The following CMTM4 variants were observed in gnomAD, a reference collection of about 807,000 sequenced individuals.
CMTM4 encodes the protein CKLF-like MARVEL transmembrane domain-containing protein 4.
A neutral mutation model predicts 19.0 loss-of-function variants in CMTM4; 8 were observed. The ratio of observed to expected loss-of-function variants is 0.42; its 90% confidence interval spans 0.25 to 0.76. The LOEUF (loss-of-function observed/expected upper bound fraction) is 0.76, where lower values mean the gene tolerates loss of function less well. Ranked by LOEUF, CMTM4 falls within the 30% of genes least tolerant of loss-of-function variation. CMTM4 has a pLI of 0.27. For missense variants in CMTM4, 228 were observed against 290.2 expected, an observed-to-expected ratio of 0.79 and a Z score of 1.56; for synonymous variants, 106 against 121.1, an observed-to-expected ratio of 0.88 and a Z score of 0.82.
At position 66,620,157 on chromosome 16, in the gene CMTM4, G is replaced by A. The variant is rs1002267754; in HGVS notation, c.*1901C>T. 2.0e-6 allele frequency: 2 copies of A among 985,342 alleles called. No homozygotes were observed. Among genetic ancestry groups the A allele is most frequent in the Non-Finnish European group, 2.4e-6 (2 of 829,940 alleles). 61.0% of individuals were successfully genotyped at this position (985,342 alleles called of 1,614,324 possible). On this transcript the variant is annotated 3_prime_UTR_variant, in exon 4 of 4. Transcript: ENST00000394106. Reference sequence around the variant, plus strand: ...AGCAGGAGATTTCTGATAAAGCTCAGGATGGTCCTTCCAAGTGGGCCCCAT... The same window carrying A: ...AGCAGGAGATTTCTGATAAAGCTCAAGATGGTCCTTCCAAGTGGGCCCCAT...
intron 1 of CMTM4, among the ~76,000 whole-genome samples, chr16:66,637,277 G>T (rs149729710): frequency 1.3e-5 from 2 of 152,290 alleles, no homozygotes; most frequent in Non-Finnish European, 2.9e-5. Context: ...GGGCACGGGG[G>T]CTCATGCCTG....
chr16:66,671,809 T>C (rs1406317440), intron 1 of CMTM4, among the ~76,000 whole-genome samples: 1 of 151,900 alleles, frequency 6.6e-6, no homozygotes, highest in Non-Finnish European at 1.5e-5. Flanking sequence ...ATATTTCAAA[T>C]ATATAATCTC....
chr16:66,601,212 A>G, the CMTM4 span, among the ~76,000 whole-genome samples: 1 of 152,020 alleles, frequency 6.6e-6, no homozygotes, highest in Non-Finnish European at 1.5e-5. Flanking sequence ...CTCTGTGGCC[A>G]GTGGCACCTT....
chr16:66,693,759 G>A (rs142880129), intron 1 of CMTM4, among the ~76,000 whole-genome samples: 179 of 152,310 alleles, frequency 1.2e-3, no homozygotes, highest in African/African-American at 4.1e-3. Flanking sequence ...GGTGGCTCAC[G>A]TCTGTAATCC....
intron 1 of CMTM4, among the ~76,000 whole-genome samples, chr16:66,648,425 G>A (rs143296830): frequency 2.0e-5 from 3 of 152,250 alleles, no homozygotes; most frequent in Middle Eastern, 3.4e-3. Flanking sequence ...TTGGGAGGCC[G>A]AGGCTGGTGG....
intron 1 of CMTM4, 125 bp from the exon 2 acceptor site, chr16:66,636,706 A>G: frequency 1.3e-6 from 1 of 753,126 alleles, no homozygotes; most frequent in Non-Finnish European, 2.2e-6. Flanking sequence ...CCTCTGGGAC[A>G]GCAGTGTAAC....
chr16:66,695,575 C>T (rs1034224597), intron 1 of CMTM4, among the ~76,000 whole-genome samples: 3 of 152,106 alleles, frequency 2.0e-5, no homozygotes, highest in African/African-American at 7.2e-5. Context: ...CCCAGAACAC[C>T]CTGGAAGCTA....
downstream of CMTM4, chr16:66,612,629 T>C: frequency 6.2e-7 from 1 of 1,614,104 alleles, no homozygotes; most frequent in Non-Finnish European, 8.5e-7. This position sits in a 1 kb window ranked among gnomAD's most constrained non-coding sequence, Gnocchi z 6.0. Flanking sequence ...CGACTCGGAC[T>C]CTGACTGAAG....
At chr16:66,634,712 A>T (rs187714056) in intron 2 of CMTM4, among the ~76,000 whole-genome samples, 156 of 152,106 alleles carry the variant, frequency 1.0e-3, no homozygotes, top group African/African-American at 3.6e-3. Context: ...CACTGGTTTG[A>T]GGCCTTACCA....
At position 66,617,718 on chromosome 16, in the gene CMTM4, A is replaced by C; in HGVS notation, c.*4340T>G. The C allele has an allele frequency of 7.7e-6, 8 of 1,040,390 alleles. No individual in the cohort carries two copies. The highest frequency in any genetic ancestry group is 9.3e-6 in the Non-Finnish European group (8 of 864,340). The allele number at this position is 1,040,390 out of a possible 1,614,324, so 64.4% of individuals were successfully genotyped here. The stretch of plus-strand genomic sequence containing the variant: ...TACAAAGCGCCAGGGAAGTTTACAA[A>C]GCTAAAAGCTGAGGGTGTCAGGCCT... On this transcript the variant is annotated 3_prime_UTR_variant, in exon 4 of 4. Coordinates refer to ENST00000394106, the MANE Select transcript of CMTM4 (RefSeq NM_181521.3).
downstream of CMTM4, among the ~76,000 whole-genome samples, chr16:66,610,611 G>A (rs2015340309): frequency 1.3e-5 from 2 of 152,202 alleles, no homozygotes; most frequent in Admixed American, 1.3e-4. This position sits in a 1 kb window ranked among gnomAD's most constrained non-coding sequence, Gnocchi z 4.6. Context: ...AGAGGAGTGT[G>A]CAGGCAGAAG....
At chr16:66,668,588 TTA>T (rs1408101993) in intron 1 of CMTM4, among the ~76,000 whole-genome samples, 1 of 152,164 alleles carries the variant, frequency 6.6e-6, no homozygotes, top group Non-Finnish European at 1.5e-5. Context: ...TGTCATAATA[TTA>T]TGAGTAAGAT....
At chr16:66,634,314 C>T (rs989217635) in intron 2 of CMTM4, among the ~76,000 whole-genome samples, 4 of 151,830 alleles carry the variant, frequency 2.6e-5, no homozygotes, top group African/African-American at 9.7e-5. Context: ...GTGGTACATG[C>T]CCATAATCTC....
chr16:66,671,435 A>G (rs959441469), intron 1 of CMTM4, among the ~76,000 whole-genome samples: 3 of 152,206 alleles, frequency 2.0e-5, no homozygotes, highest in Non-Finnish European at 2.9e-5. Context: ...GGTGTGAAGG[A>G]AAGGGTAGCA....
rs538155940 is a variant in CMTM4, at chr16:66,618,436, T to C, written c.*3622A>G. ...ATTGTTCAGGTGTCTCCATGCTCTATTCATCTCCTAGGTGCTAAGACCAAC... is the reference window on the plus strand; with the variant it reads ...ATTGTTCAGGTGTCTCCATGCTCTACTCATCTCCTAGGTGCTAAGACCAAC... On this transcript the variant is annotated 3_prime_UTR_variant, in exon 4 of 4. Coordinates refer to ENST00000394106, the MANE Select transcript of CMTM4 (RefSeq NM_181521.3). 1.0e-6 allele frequency: 1 copy of C among 985,442 alleles called. No individual in the cohort carries two copies. Among genetic ancestry groups the C allele is most frequent in the African/African-American group, 1.7e-5 (1 of 57,362 alleles). The allele number at this position is 985,442 out of a possible 1,614,324, so 61.0% of individuals were successfully genotyped here.
chr16:66,694,799 C>T (rs994972031), intron 1 of CMTM4, among the ~76,000 whole-genome samples: 1 of 151,280 alleles, frequency 6.6e-6, no homozygotes. Context: ...AAACTAAAAA[C>T]CAATGCATCT....
Position 66,627,650 on chromosome 16 carries a change from G to A in CMTM4, c.364-4148C>T, listed in dbSNP as rs181385611. Among the ~76,000 whole-genome samples, 4 of 151,758 alleles carry A rather than the reference G, an allele frequency of 2.6e-5. No homozygotes were observed. The East Asian group carries it at 7.7e-4, about 29-fold the overall frequency. ...ATTCTGGACATTTTTTTTTTCCTGT[G>A]TGTGAAATCTGCCACAAATATTCTG... On this transcript the variant is annotated intron_variant, in intron 2 of 3. Transcript: ENST00000394106.
chr16:66,683,291 T>C (rs1192271712), intron 1 of CMTM4, among the ~76,000 whole-genome samples: 78 of 121,140 alleles, frequency 6.4e-4, no homozygotes, highest in African/African-American at 1.2e-3. Flanking sequence ...CTTTTCTTTT[T>C]TTTTTTTTTT....
At chr16:66,649,430 T>C (rs1391605954) in intron 1 of CMTM4, among the ~76,000 whole-genome samples, 1 of 150,444 alleles carries the variant, frequency 6.6e-6, no homozygotes, top group Non-Finnish European at 1.5e-5. Context: ...CTTTTTTCTT[T>C]TGGTCTTGAT....
Sources: gnomAD v4.1 joint callset for allele counts (sites outside exome capture counted in the v4.1 genomes callset) on GRCh38, gnomAD v4.1.1 for gene constraint, Gnocchi (gnomAD v3.1) non-coding constraint, MANE v1.5 for transcripts, NCBI Gene and HGNC (gene_info 2026-07-23, HGNC 2026-07-21) for gene names.